Variants in CSDE1 observed in about 807,000 individuals in gnomAD.
CSDE1 encodes cold shock domain-containing protein E1.
In CSDE1, 17 loss-of-function variants were observed where a neutral mutation model predicts 89.3. The observed-to-expected ratio is 0.19, with a 90% confidence interval of 0.13 to 0.29. CSDE1 has a LOEUF of 0.29. Ranked by LOEUF, CSDE1 falls within the 10% of genes least tolerant of loss-of-function variation. CSDE1 has a pLI of 1.00. For synonymous variants in CSDE1, 322 were observed against 332.8 expected, an observed-to-expected ratio of 0.97 and a Z score of 0.35; for missense variants, 672 against 984.2, an observed-to-expected ratio of 0.68 and a Z score of 4.24.
At chr1:114,731,781 C>T (rs1281304355) in intron 10 of CSDE1, among the ~76,000 whole-genome samples, 1 of 152,188 alleles carries the variant, frequency 6.6e-6, no homozygotes, top group Admixed American at 6.5e-5. Flanking sequence ...CCCAACACAA[C>T]AAATTGTTAA....
intron 2 of CSDE1, among the ~76,000 whole-genome samples, chr1:114,744,744 A>G (rs1298264468): frequency 6.9e-6 from 1 of 145,464 alleles, no homozygotes; most frequent in African/African-American, 2.7e-5. Flanking sequence ...AAAAAGCACA[A>G]GCTTTTATAC....
At chr1:114,748,886 T>A (rs1661151006) in intron 2 of CSDE1, among the ~76,000 whole-genome samples, 1 of 152,222 alleles carries the variant, frequency 6.6e-6, no homozygotes, top group Non-Finnish European at 1.5e-5. Context: ...ATCTTACTTT[T>A]GGGGGAAAAA....
chr1:114,752,606 T>TTA (rs1661368202), intron 1 of CSDE1, among the ~76,000 whole-genome samples: 1 of 152,212 alleles, frequency 6.6e-6, no homozygotes, highest in South Asian at 2.1e-4. Flanking sequence ...CCTCGCCTAA[T>TTA]CCTTAAACAC....
In CSDE1 at chr1:114,718,142, G is replaced by C; in HGVS notation, c.*27C>G. The C allele has an allele frequency of 6.2e-7, 1 of 1,613,368 alleles. No individual in the cohort carries two copies. The highest frequency in any genetic ancestry group is 8.5e-7 in the Non-Finnish European group (1 of 1,179,384). Reference sequence around the variant, plus strand: ...GATTCCCCCCAACTTGATCATAGTGGATTAATGGTGTGCTTTGTGGATGTG... The same window carrying C: ...GATTCCCCCCAACTTGATCATAGTGCATTAATGGTGTGCTTTGTGGATGTG... On this transcript the variant is annotated 3_prime_UTR_variant, in exon 20 of 20. Transcript: ENST00000358528.
At position 114,726,398 on chromosome 1, in the gene CSDE1, A is replaced by T. The variant is rs780207962; in HGVS notation, c.1465-12T>A. 6.2e-7 allele frequency: 1 copy of T among 1,601,656 alleles called. No individual in the cohort carries two copies. The highest frequency in any genetic ancestry group is 1.7e-5 in the Admixed American group (1 of 57,926). ...ATACTAAATTCAACCTGTGAAAATT[A>T]AGGATGCTCATTAACACCATATCAC... is the stretch of plus-strand genomic sequence containing the variant. On this transcript the variant is annotated splice_polypyrimidine_tract_variant and intron_variant, in intron 13 of 19. Coordinates refer to ENST00000358528, the MANE Select transcript of CSDE1 (RefSeq NM_001007553.3).
At position 114,733,767 on chromosome 1, in the gene CSDE1, T is replaced by A; in HGVS notation, c.802A>T (p.Thr268Ser). Residue 268 changes from threonine to serine, a missense_variant, in exon 9 of 20, where the codon ACC becomes TCC. By Grantham distance (58) the Thr-to-Ser change is moderately conservative. Transcript: ENST00000358528. Reference sequence around the variant, plus strand: ...CTGGGTACTTTTGGGATAACTTTGGTTACAGTTCCTTCAAAATGTTCAATG... The same window carrying A: ...CTGGGTACTTTTGGGATAACTTTGGATACAGTTCCTTCAAAATGTTCAATG... ...ISIEHFEGTVTKVIPKVPSKN... is the reference protein window; with the variant it reads ...ISIEHFEGTVSKVIPKVPSKN... 4 of 1,613,912 alleles carry A rather than the reference T, an allele frequency of 2.5e-6. No individual in the cohort carries two copies. In the South Asian group the frequency reaches 4.4e-5, roughly 18 times the overall value.
rs1174700059 is a variant in CSDE1 at position 114,718,187 on chromosome 1, T to C, written c.2379A>G (p.Gln793=). The C allele has an allele frequency of 1.2e-6, 2 of 1,613,984 alleles. No homozygotes were observed. The highest frequency in any genetic ancestry group is 1.7e-6 in the Non-Finnish European group (2 of 1,180,016). ...MGFGAERKIR[Q]AGVID ...GATGTGGTTAGTCAATGACACCAGCTTGACGGATCTTTCTTTCTGCACCAA... is the reference window on the plus strand; with the variant it reads ...GATGTGGTTAGTCAATGACACCAGCCTGACGGATCTTTCTTTCTGCACCAA... Residue 793 remains glutamine, a synonymous_variant, in exon 20 of 20, where the codon CAA becomes CAG. Coordinates refer to ENST00000358528, the MANE Select transcript of CSDE1 (RefSeq NM_001007553.3).
chr1:114,718,388 A>G lies in CSDE1; in HGVS notation c.2350-172T>C, dbSNP rs530456563. On this transcript the variant is annotated intron_variant, in intron 19 of 19. Transcript: ENST00000358528. ...CACAGTAAGCACTCCTGACCCATTC[A>G]TTACCTAAACTGTCTTCAAAGCATC... is the stretch of plus-strand genomic sequence containing the variant. 2.0e-5 allele frequency among the ~76,000 whole-genome samples: 3 copies of G among 152,348 alleles called. No homozygotes were observed. In the East Asian group the frequency reaches 5.8e-4, roughly 29 times the overall value.
rs1271836178 is a variant in CSDE1 at position 114,717,044 on chromosome 1, A to C, written c.*1125T>G. Reference sequence around the variant, plus strand: ...CTCTTTACCCAGAGATCAAAACCTCAAACGACAAGGGGGAAGATAAAACCG... The same window carrying C: ...CTCTTTACCCAGAGATCAAAACCTCCAACGACAAGGGGGAAGATAAAACCG... On this transcript the variant is annotated 3_prime_UTR_variant, in exon 20 of 20. Transcript: ENST00000358528. 6.5e-6 allele frequency: 1 copy of C among 152,756 alleles called. No individual in the cohort carries two copies. The highest frequency in any genetic ancestry group is 1.5e-5 in the Non-Finnish European group (1 of 68,106). The allele number at this position is 152,756 out of a possible 1,614,324, so 9.5% of individuals were successfully genotyped here. A position where few individuals can be genotyped will look rare whatever the true frequency, so the allele number is the denominator to read the frequency against.
chr1:114,723,964 A>T lies in CSDE1; in HGVS notation c.1792T>A (p.Ser598Thr). 1 of 1,614,064 alleles carries T rather than the reference A, an allele frequency of 6.2e-7. No individual in the cohort carries two copies. Among genetic ancestry groups the T allele is most frequent in the Non-Finnish European group, 8.5e-7 (1 of 1,179,920 alleles). ...ITEEADPTIY[S>T]GKVIRPLRSV... ...CTCAGGGGGCGAATTACTTTGCCAG[A>T]GTAAATGGTGGGATCAGCTTCCTCA... The change falls in exon 16 of 20, where the codon TCT becomes ACT. Residue 598 changes from serine (S) to threonine (T), a missense_variant. By Grantham distance (58) the Ser-to-Thr change is moderately conservative. Transcript: ENST00000358528.
At chr1:114,751,015 T>C (rs1330936573) in intron 1 of CSDE1, among the ~76,000 whole-genome samples, 1 of 152,086 alleles carries the variant, frequency 6.6e-6, no homozygotes, top group Non-Finnish European at 1.5e-5. Flanking sequence ...TGAAGTGAAA[T>C]AGGATATGTA....
chr1:114,726,133 A>C, intron 14 of CSDE1, 78 bp downstream of exon 14: 2 of 1,364,658 alleles, frequency 1.5e-6, no homozygotes, highest in Non-Finnish European at 2.0e-6. Context: ...ATAATCAATC[A>C]ATACTAAATG....
chr1:114,724,001 C>T lies in CSDE1; in HGVS notation c.1755G>A (p.Val585=), dbSNP rs756998766. Residue 585 remains valine, a splice_region_variant and synonymous_variant, in exon 16 of 20, where the codon GTG becomes GTA. Transcript: ENST00000358528. ...GATCAGCTTCCTCAGTAATGCCATT[C>T]ACTACAAAACAAAGGCAGGTACATC... The part of the protein sequence containing the change: ...SAEKVNKTHS[V]NGITEEADPT... 1 of 1,611,832 alleles carries T rather than the reference C, an allele frequency of 6.2e-7. No homozygotes were observed. The highest frequency in any genetic ancestry group is 1.1e-5 in the South Asian group (1 of 90,620).
chr1:114,723,773 T>C, intron 16 of CSDE1, 110 bp downstream of exon 16: 2 of 1,472,966 alleles, frequency 1.4e-6, no homozygotes, highest in South Asian at 2.3e-5. Flanking sequence ...TTTCCTTAAT[T>C]CAGTTTTAAA....
intron 5 of CSDE1, 83 bp downstream of exon 5, chr1:114,737,388 C>A (rs548598243): frequency 1.8e-6 from 2 of 1,115,290 alleles, no homozygotes; most frequent in Non-Finnish European, 2.6e-6. Flanking sequence ...TTGCAGCTTA[C>A]GTTTTCTATT....
At position 114,719,569 on chromosome 1, in the gene CSDE1, C is replaced by T. The variant is rs112388342; in HGVS notation, c.2216+10G>A. On this transcript the variant is annotated intron_variant, in intron 18 of 19. Coordinates refer to ENST00000358528, the MANE Select transcript of CSDE1 (RefSeq NM_001007553.3). The stretch of plus-strand genomic sequence containing the variant: ...GTAGTTACTAATCAAACCACAACAA[C>T]AAAACTCACCAGACTCGCCAAACAT... The T allele has an allele frequency of 1.2e-6, 2 of 1,610,546 alleles. No individual in the cohort carries two copies. Among genetic ancestry groups the T allele is most frequent in the Admixed American group, 3.4e-5 (2 of 59,116 alleles).
At chr1:114,748,594 T>A (rs570458801) in intron 2 of CSDE1, among the ~76,000 whole-genome samples, 1 of 152,366 alleles carries the variant, frequency 6.6e-6, no homozygotes, top group Non-Finnish European at 1.5e-5. Flanking sequence ...CCTATTCCTA[T>A]GAACAATGAA....
In CSDE1 at chr1:114,738,223, G is replaced by C. The variant is rs1570931204; in HGVS notation, c.200-151C>G. On this transcript the variant is annotated intron_variant, in intron 3 of 19. Coordinates refer to ENST00000358528, the MANE Select transcript of CSDE1 (RefSeq NM_001007553.3). ...GACCAGCAGCATTAACATCACCTGG[G>C]AGCTTAAAAGAAATACTGGGCCTAA... is the stretch of plus-strand genomic sequence containing the variant. 7 of 627,296 alleles carry C rather than the reference G, an allele frequency of 1.1e-5. 1 individual carries two copies. The South Asian group carries it at 1.3e-4, about 12-fold the overall frequency. The allele number at this position is 627,296 out of a possible 1,614,324, so 38.9% of individuals were successfully genotyped here.
Position 114,739,733 on chromosome 1 carries a change from CAGTGGAAGAAA to C in CSDE1, c.147_157del (p.Phe51ThrfsTer3). 6.2e-7 allele frequency: 1 copy of C among 1,614,056 alleles called. No individual in the cohort carries two copies. The highest frequency in any genetic ancestry group is 8.5e-7 in the Non-Finnish European group (1 of 1,179,956). ...TTGCAGGTTGCCATTATACTGTGAA[CAGTGGAAGAAA>C]AGTCTAGCTTGACGTTCTGAACACT... On this transcript the variant is annotated frameshift_variant, in exon 3 of 20. Transcript: ENST00000358528. LOFTEE classifies it high-confidence loss of function.
Sources: gnomAD v4.1 joint callset for allele counts (sites outside exome capture counted in the v4.1 genomes callset) on GRCh38, gnomAD v4.1.1 for gene constraint, MANE v1.5 for transcripts, NCBI Gene and HGNC (gene_info 2026-07-23, HGNC 2026-07-21) for gene names.